PIAS4: variants seen among roughly 807,000 people sequenced by gnomAD.
PIAS4 encodes protein inhibitor of activated STAT 4, also known as E3 SUMO-protein ligase PIAS4.
A neutral mutation model predicts 58.0 loss-of-function variants in PIAS4; 7 were observed. That is an observed-to-expected ratio of 0.12 (90% confidence interval 0.07 to 0.23). PIAS4 has a LOEUF of 0.23. Among genes scored for constraint, PIAS4 ranks in the 10% least tolerant of loss-of-function variants. PIAS4 has a pLI of 1.00. For synonymous variants in PIAS4, 364 were observed against 312.4 expected, an observed-to-expected ratio of 1.17 and a Z score of -1.74; for missense variants, 550 against 709.5, an observed-to-expected ratio of 0.78 and a Z score of 2.55.
rs937539193 is a variant in PIAS4, at chr19:4,037,208, G to A, written c.1143-166G>A. On this transcript the variant is annotated intron_variant, in intron 9 of 10. Transcript: ENST00000262971. The surrounding 1 kb of genome is among the most constrained non-coding windows in gnomAD (Gnocchi z 5.8). ...TCAGCACCTGCAGGGGCCTGAGGGC[G>A]GGGGAGGGAATGCGGGGTCCCTGGA... Among the ~76,000 whole-genome samples, 7 of 152,180 alleles carry A rather than the reference G, an allele frequency of 4.6e-5. No individual in the cohort carries two copies. The highest frequency in any genetic ancestry group is 1.9e-4 in the East Asian group (1 of 5,184).
At chr19:4,019,945 G>C (rs2040092449) in intron 2 of PIAS4, among the ~76,000 whole-genome samples, 1 of 150,900 alleles carries the variant, frequency 6.6e-6, no homozygotes, top group African/African-American at 2.4e-5. Flanking sequence ...TTGAAATGGA[G>C]TCTCGCTGTC....
chr19:4,028,682 G>C, intron 5 of PIAS4, 38 bp from the exon 6 acceptor site: 1 of 1,603,322 alleles, frequency 6.2e-7, no homozygotes, highest in South Asian at 1.1e-5. Context: ...TTTCCCAGCC[G>C]CTCTTGGCTC....
intron 2 of PIAS4, among the ~76,000 whole-genome samples, chr19:4,015,115 T>C (rs2040038545): frequency 6.6e-6 from 1 of 152,184 alleles, no homozygotes; most frequent in South Asian, 2.1e-4. Context: ...GGTCTTGGCC[T>C]GAGTTCCATC....
chr19:4,026,005 C>T lies in PIAS4; in HGVS notation c.539+1885C>T, dbSNP rs1191506059. 4.5e-5 allele frequency among the ~76,000 whole-genome samples: 6 copies of T among 132,320 alleles called. No individual in the cohort carries two copies. The South Asian group carries it at 7.4e-4, about 16-fold the overall frequency. The allele number at this position is 132,320 out of a possible 152,430, so 86.8% of individuals were successfully genotyped here. A position where few individuals can be genotyped will look rare whatever the true frequency, so the allele number is the denominator to read the frequency against. ...AGGAGAATGGCGTGAACCCGGGAGG[C>T]GGAGCTTGCAGTGAGCCGAGATCCT... On this transcript the variant is annotated intron_variant, in intron 3 of 10. Coordinates refer to ENST00000262971, the MANE Select transcript of PIAS4 (RefSeq NM_015897.4).
chr19:4,033,402 G>A lies in PIAS4; in HGVS notation c.982-18G>A, dbSNP rs763331001. The A allele has an allele frequency of 3.7e-5, 57 of 1,544,024 alleles. No homozygotes were observed. Among genetic ancestry groups the A allele is most frequent in the Non-Finnish European group, 4.6e-5 (53 of 1,145,564 alleles). On this transcript the variant is annotated intron_variant, in intron 8 of 10. Coordinates refer to ENST00000262971, the MANE Select transcript of PIAS4 (RefSeq NM_015897.4). ...ACAACAGGAGGGGTGCCCTGCTCAC[G>A]CAGCCCCTCCCCCACAGCTGGTGAA...
chr19:4,027,039 A>G (rs1568217521), intron 3 of PIAS4, among the ~76,000 whole-genome samples: 1 of 150,916 alleles, frequency 6.6e-6, no homozygotes, highest in Non-Finnish European at 1.5e-5. Flanking sequence ...TTTTTAGTAG[A>G]GACGGGGTTT....
Position 4,036,503 on chromosome 19 carries a change from AAC to A in PIAS4, c.1143-861_1143-860del, listed in dbSNP as rs1183067879. Among the ~76,000 whole-genome samples, 15 of 78,146 alleles carry A rather than the reference AAC, an allele frequency of 1.9e-4. 4 individuals are homozygous for A. Among genetic ancestry groups the A allele is most frequent in the African/African-American group, 6.1e-4 (11 of 18,146 alleles). The allele number at this position is 78,146 out of a possible 152,430, so 51.3% of individuals were successfully genotyped here. A position where few individuals can be genotyped will look rare whatever the true frequency, so the allele number is the denominator to read the frequency against. Reference sequence around the variant, plus strand: ...TCCATACAGTCCACACCGTCATACAAACACACACACATCTATACAGTCCACAC... The same window carrying A: ...TCCATACAGTCCACACCGTCATACAAACACACACATCTATACAGTCCACAC... On this transcript the variant is annotated intron_variant, in intron 9 of 10. Transcript: ENST00000262971.
At chr19:4,026,599 C>G (rs1051464932) in intron 3 of PIAS4, among the ~76,000 whole-genome samples, 2 of 152,078 alleles carry the variant, frequency 1.3e-5, no homozygotes, top group African/African-American at 4.8e-5. Context: ...CCTTCATCCA[C>G]TGGCCCCCAC....
intron 2 of PIAS4, among the ~76,000 whole-genome samples, chr19:4,019,281 GC>G (rs2040085100): frequency 6.6e-6 from 1 of 152,180 alleles, no homozygotes; most frequent in South Asian, 2.1e-4. Context: ...GCGGCCCGGG[GC>G]CAGTGGCACA....
chr19:4,023,654 C>T (rs754269671), intron 2 of PIAS4, among the ~76,000 whole-genome samples: 5 of 152,174 alleles, frequency 3.3e-5, no homozygotes, highest in South Asian at 2.1e-4. Context: ...GAGCAAGGGC[C>T]GGGTCCGGTT....
chr19:4,011,355 G>A (rs1444087372), intron 1 of PIAS4, among the ~76,000 whole-genome samples: 1 of 152,214 alleles, frequency 6.6e-6, no homozygotes, highest in Non-Finnish European at 1.5e-5. Flanking sequence ...ATCCCTCGAG[G>A]ACACCTGGCT....
Position 4,019,796 on chromosome 19 carries a change from T to C in PIAS4, c.455-4240T>C, listed in dbSNP as rs2040090646. Among the ~76,000 whole-genome samples, 3 of 152,130 alleles carry C rather than the reference T, an allele frequency of 2.0e-5. No homozygotes were observed. The South Asian group carries it at 6.2e-4, about 32-fold the overall frequency. The stretch of plus-strand genomic sequence containing the variant: ...ACCGGCTGTGGCAGCCCCCTCTTCC[T>C]GAGGGCCAGCCACAGACCCGGCACC... On this transcript the variant is annotated intron_variant, in intron 2 of 10. Transcript: ENST00000262971.
rs2040221482 is a variant in PIAS4, at chr19:4,031,398, C to T, written c.908-1702C>T. On this transcript the variant is annotated intron_variant, in intron 7 of 10. Transcript: ENST00000262971. ...TCCGGCATCCTTGGCCAGCCTCCTC[C>T]AGGCTCGGGGATGGAGGGCCTGGCT... Among the ~76,000 whole-genome samples, 3 of 152,226 alleles carry T rather than the reference C, an allele frequency of 2.0e-5. No homozygotes were observed. The South Asian group carries it at 6.2e-4, about 32-fold the overall frequency.
At chr19:4,028,459 G>A (rs769094916) in intron 4 of PIAS4, 51 bp from the exon 5 acceptor site, 1 of 1,356,576 alleles carries the variant, frequency 7.4e-7, no homozygotes, top group Non-Finnish European at 1.0e-6. Context: ...CAGCAGCCTA[G>A]TCCCTCCTGT....
At chr19:4,025,870 G>A (rs149144567) in intron 3 of PIAS4, among the ~76,000 whole-genome samples, 46 of 151,984 alleles carry the variant, frequency 3.0e-4, no homozygotes, top group African/African-American at 1.0e-3. Context: ...TCAGAAGATC[G>A]AGACCATCTT....
chr19:4,027,999 G>A (rs1021097958), intron 3 of PIAS4, 147 bp from the exon 4 acceptor site: 16 of 815,294 alleles, frequency 2.0e-5, no homozygotes, highest in South Asian at 6.8e-5. Context: ...CACCCAGCCC[G>A]TACAAAAGAG....
At position 4,037,759 on chromosome 19, in the gene PIAS4, T is replaced by C; in HGVS notation, c.1417T>C (p.Ser473Pro). Residue 473 changes from serine (S) to proline (P), a missense_variant, in exon 11 of 11, where the codon TCA (serine) becomes CCA (proline). Transcript: ENST00000262971. The surrounding 1 kb of genome is among the most constrained non-coding windows in gnomAD (Gnocchi z 5.8). Reference protein sequence around the residue: ...ADVVDLTLDSSSSSEDEEEEE... With the variant: ...ADVVDLTLDSPSSSEDEEEEE... ...TGTGGTGGACCTCACGCTGGACAGC[T>C]CATCGTCCTCGGAGGATGAGGAGGA... 6.2e-7 allele frequency: 1 copy of C among 1,608,638 alleles called. No individual in the cohort carries two copies. The highest frequency in any genetic ancestry group is 8.5e-7 in the Non-Finnish European group (1 of 1,178,146).
At chr19:4,029,270 C>T (rs928801457) in intron 7 of PIAS4, among the ~76,000 whole-genome samples, 1 of 152,136 alleles carries the variant, frequency 6.6e-6, no homozygotes, top group Admixed American at 6.5e-5. Flanking sequence ...GGTCACACCT[C>T]GTGTTGCTGG....
chr19:4,019,902 C>T (rs890055365), intron 2 of PIAS4, among the ~76,000 whole-genome samples: 3 of 152,134 alleles, frequency 2.0e-5, no homozygotes, highest in East Asian at 3.9e-4. Context: ...GGAGCCGAGC[C>T]CAGGGAGTCT....
Sources: allele counts gnomAD v4.1 joint callset (sites outside exome capture counted in the v4.1 genomes callset), GRCh38; gene constraint gnomAD v4.1.1; non-coding constraint Gnocchi (gnomAD v3.1); transcripts MANE v1.5; gene names NCBI Gene and HGNC (gene_info 2026-07-23, HGNC 2026-07-21).